Variants in PPP1R27 observed in about 807,000 individuals in gnomAD.
The protein encoded by PPP1R27 is protein phosphatase 1 regulatory subunit 27.
PPP1R27 carries 10 observed loss-of-function variants against 12.0 expected under a neutral mutation model. The observed-to-expected ratio is 0.84, with a 90% CI of 0.52 to 1.42. PPP1R27 has a LOEUF of 1.42. Among genes scored for constraint, PPP1R27 ranks in the 40% most tolerant of loss-of-function variants. The probability of loss-of-function intolerance (pLI) is 0.00; values close to 1 mark genes in which losing one functional copy is unlikely to be tolerated. For missense variants in PPP1R27, 246 were observed against 215.3 expected, an observed-to-expected ratio of 1.14 and a Z score of -0.89; for synonymous variants, 98 against 89.3, an observed-to-expected ratio of 1.10 and a Z score of -0.55.
rs750946557 is a variant in PPP1R27 at position 81,834,520 on chromosome 17, C to T, written c.324G>A (p.Gly108=). The T allele has an allele frequency of 1.5e-5, 24 of 1,613,952 alleles. No individual in the cohort carries two copies. In the East Asian group the frequency reaches 5.3e-4, roughly 36 times the overall value. The part of the protein sequence containing the change: ...WTPLHIACSD[G]YPDIARYLIS... ...CCCCTCACCTGGCTATGTCAGGGTA[C>T]CCATCGCTGCAGGCAATGTGCAGGG... Residue 108 remains glycine (G), a synonymous_variant, in exon 2 of 3, where the codon GGG becomes GGA. Transcript: ENST00000330261.
rs750024833 is a variant in PPP1R27, at chr17:81,834,779, T to C, written c.175A>G (p.Thr59Ala). The change falls in exon 1 of 3, where the codon ACC becomes GCC. Residue 59 changes from threonine to alanine, a missense_variant. Transcript: ENST00000330261. ...CTTTGCTCACCTGAGGGGTGGATGGTGGCCAGGGAGACTTTCCGAGTCCGG... is the reference window on the plus strand; with the variant it reads ...CTTTGCTCACCTGAGGGGTGGATGGCGGCCAGGGAGACTTTCCGAGTCCGG... ...FIRTRKVSLA[T>A]IHPSGLAALH... The C allele has an allele frequency of 1.2e-6, 2 of 1,612,452 alleles. No individual in the cohort carries two copies. Among genetic ancestry groups the C allele is most frequent in the South Asian group, 2.2e-5 (2 of 90,926 alleles).
chr17:81,833,852 C>T lies in PPP1R27; in HGVS notation c.342G>A (p.Arg114=), dbSNP rs370164132. 5 of 1,595,466 alleles carry T rather than the reference C, an allele frequency of 3.1e-6. No individual in the cohort carries two copies. The highest frequency in any genetic ancestry group is 2.7e-5 in the African/African-American group (2 of 74,592). The part of the protein sequence containing the change: ...ACSDGYPDIA[R]YLISLGADRD... ...TGTCCGCTCCCAGGGAGATAAGGTA[C>T]CTGGGGTGTAAAGGTCGCTCTGGCT... Residue 114 remains arginine, a splice_region_variant and synonymous_variant, in exon 3 of 3, where the codon AGG becomes AGA. Coordinates refer to ENST00000330261, the MANE Select transcript of PPP1R27 (RefSeq NM_001007533.4).
At chr17:81,834,275 AT>A in intron 2 of PPP1R27, 3 of 542,626 alleles carry the variant, frequency 5.5e-6, no homozygotes, top group South Asian at 2.5e-5. Context: ...CTAATTTTGT[AT>A]TTTTAGTAGT....
rs751682621 is a variant in PPP1R27, at chr17:81,835,050, G to A, written c.-97C>T. 5 of 1,292,914 alleles carry A rather than the reference G, an allele frequency of 3.9e-6. No individual in the cohort carries two copies. Among genetic ancestry groups the A allele is most frequent in the African/African-American group, 1.5e-5 (1 of 66,906 alleles). 80.1% of individuals were successfully genotyped at this position (1,292,914 alleles called of 1,614,324 possible). ...CCAGATCAGCTTGAGGGCTCCTGTC[G>A]GACGAGCCCCGGCCTCTGACTTGCT... On this transcript the variant is annotated 5_prime_UTR_variant, in exon 1 of 3. Coordinates refer to ENST00000330261, the MANE Select transcript of PPP1R27 (RefSeq NM_001007533.4).
At position 81,833,705 on chromosome 17, in the gene PPP1R27, CG is replaced by C. The variant is rs751679497; in HGVS notation, c.*23del. ...TTCTCCAGGGAGGCGGCCCTGGGCG[CG>C]GGGGCGGGCGGGCAAAGCTGGCTCA... On this transcript the variant is annotated 3_prime_UTR_variant, in exon 3 of 3. Coordinates refer to ENST00000330261, the MANE Select transcript of PPP1R27 (RefSeq NM_001007533.4). The C allele has an allele frequency of 4.9e-5, 75 of 1,543,478 alleles. No individual in the cohort carries two copies. The highest frequency in any genetic ancestry group is 6.1e-5 in the Non-Finnish European group (70 of 1,145,732).
rs1217928127 is a variant in PPP1R27 at position 81,834,625 on chromosome 17, G to C, written c.219C>G (p.Leu73=). ...SGLAALHEAV[L]SGNLECVKLL... is the part of the protein sequence containing the mutation. The stretch of plus-strand genomic sequence containing the variant: ...GCTTCACGCATTCCAGGTTTCCAGA[G>C]AGCACGGCTTCATGCAAGGCGGCCA... Residue 73 remains leucine, a synonymous_variant, in exon 2 of 3, where the codon CTC becomes CTG. Coordinates refer to ENST00000330261, the MANE Select transcript of PPP1R27 (RefSeq NM_001007533.4). The C allele has an allele frequency of 6.2e-7, 1 of 1,614,174 alleles. No homozygotes were observed. The highest frequency in any genetic ancestry group is 1.7e-5 in the Admixed American group (1 of 60,030).
At position 81,833,657 on chromosome 17, in the gene PPP1R27, C is replaced by T. The variant is rs947190509; in HGVS notation, c.*72G>A. 1.6e-5 allele frequency: 24 copies of T among 1,501,594 alleles called. No homozygotes were observed. In the Middle Eastern group the frequency reaches 1.4e-3, roughly 88 times the overall value. 93.0% of individuals were successfully genotyped at this position (1,501,594 alleles called of 1,614,324 possible). On this transcript the variant is annotated 3_prime_UTR_variant, in exon 3 of 3. Transcript: ENST00000330261. ...CCCTGGCCCACGGGTGGGGCACGTG[C>T]TGGCCCATGGGCGACGCGCGGCTTC...
chr17:81,834,313 A>C, intron 2 of PPP1R27, 190 bp downstream of exon 2: 1 of 611,538 alleles, frequency 1.6e-6, no homozygotes, highest in African/African-American at 1.8e-5. Context: ...CGAACTCCTG[A>C]CCTCAGGTGA....
chr17:81,834,882 G>C lies in PPP1R27; in HGVS notation c.72C>G (p.Arg24=). 6.2e-7 allele frequency: 1 copy of C among 1,613,092 alleles called. No homozygotes were observed. The highest frequency in any genetic ancestry group is 8.5e-7 in the Non-Finnish European group (1 of 1,179,960). ...RQRRRRMLAD[R]SVRFPNDVLF... ...GGACATCATTAGGGAAACGCACGCT[G>C]CGATCAGCCAGCATCCGCCGCCGCC... Residue 24 remains arginine (R), a synonymous_variant, in exon 1 of 3, where the codon CGC becomes CGG. Coordinates refer to ENST00000330261, the MANE Select transcript of PPP1R27 (RefSeq NM_001007533.4).
In PPP1R27 at chr17:81,833,823, T is replaced by A; in HGVS notation, c.371A>T (p.Asp124Val). The A allele has an allele frequency of 6.3e-7, 1 of 1,584,280 alleles. No homozygotes were observed. The highest frequency in any genetic ancestry group is 8.6e-7 in the Non-Finnish European group (1 of 1,165,186). The part of the protein sequence containing the change: ...RYLISLGADR[D>V]ATNDDGDLPS... ...CAGGTCGCCATCGTCGTTGGTTGCA[T>A]CCCTGTCCGCTCCCAGGGAGATAAG... Residue 124 changes from aspartate (D) to valine (V), a missense_variant, in exon 3 of 3, where the codon GAT becomes GTT. Asp to Val is a radical substitution (Grantham distance 152, BLOSUM62 -3). Coordinates refer to ENST00000330261, the MANE Select transcript of PPP1R27 (RefSeq NM_001007533.4).
chr17:81,834,005 C>T (rs2143281922), intron 2 of PPP1R27, 153 bp from the exon 3 acceptor site: 1 of 826,996 alleles, frequency 1.2e-6, no homozygotes, highest in Non-Finnish European at 1.8e-6. Flanking sequence ...AGAAACCTGA[C>T]CCTTTGGAAG....
chr17:81,834,659 C>A lies in PPP1R27; in HGVS notation c.191-6G>T. 4.3e-6 allele frequency: 7 copies of A among 1,614,016 alleles called. No individual in the cohort carries two copies. Among genetic ancestry groups the A allele is most frequent in the Non-Finnish European group, 5.9e-6 (7 of 1,179,992 alleles). On this transcript the variant is annotated splice_polypyrimidine_tract_variant and splice_region_variant and intron_variant, in intron 1 of 2. Coordinates refer to ENST00000330261, the MANE Select transcript of PPP1R27 (RefSeq NM_001007533.4). Reference sequence around the variant, plus strand: ...TTCATGCAAGGCGGCCAGGCCTGGGCAGGGAGGACGGGAGGGGTCAAGACT... The same window carrying A: ...TTCATGCAAGGCGGCCAGGCCTGGGAAGGGAGGACGGGAGGGGTCAAGACT...
Position 81,834,616 on chromosome 17 carries a change from G to A in PPP1R27, c.228C>T (p.Asn76=), listed in dbSNP as rs745679554. 2.5e-6 allele frequency: 4 copies of A among 1,614,090 alleles called. No homozygotes were observed. Among genetic ancestry groups the A allele is most frequent in the Non-Finnish European group, 3.4e-6 (4 of 1,180,044 alleles). Residue 76 remains asparagine, a synonymous_variant, in exon 2 of 3, where the codon AAC becomes AAT. Transcript: ENST00000330261. The part of the protein sequence containing the change: ...AALHEAVLSG[N]LECVKLLVKY... ...TGACCAGCAGCTTCACGCATTCCAG[G>A]TTTCCAGAGAGCACGGCTTCATGCA...
rs2038597364 is a variant in PPP1R27 at position 81,834,997 on chromosome 17, C to G, written c.-44G>C. On this transcript the variant is annotated 5_prime_UTR_variant, in exon 1 of 3. Transcript: ENST00000330261. Reference sequence around the variant, plus strand: ...GGTTGCCCCTGGGGACCCTACTGCACTGGGGTTAATAATGTATCCGGTCCC... The same window carrying G: ...GGTTGCCCCTGGGGACCCTACTGCAGTGGGGTTAATAATGTATCCGGTCCC... 2 of 1,518,780 alleles carry G rather than the reference C, an allele frequency of 1.3e-6. No individual in the cohort carries two copies. The highest frequency in any genetic ancestry group is 2.3e-5 in the East Asian group (1 of 42,836). 94.1% of individuals were successfully genotyped at this position (1,518,780 alleles called of 1,614,324 possible).
intron 2 of PPP1R27, 186 bp downstream of exon 2, chr17:81,834,317 C>T (rs1458548973): frequency 4.8e-6 from 3 of 626,108 alleles, no homozygotes; most frequent in African/African-American, 1.8e-5. Flanking sequence ...CTCCTGACCT[C>T]AGGTGATCCG....
Position 81,834,986 on chromosome 17 carries a change from A to G in PPP1R27, c.-33T>C. The G allele has an allele frequency of 1.3e-6, 2 of 1,543,188 alleles. No individual in the cohort carries two copies. The highest frequency in any genetic ancestry group is 1.2e-5 in the South Asian group (1 of 82,242). ...GCTGTGGGGCAGGTTGCCCCTGGGGACCCTACTGCACTGGGGTTAATAATG... is the reference window on the plus strand; with the variant it reads ...GCTGTGGGGCAGGTTGCCCCTGGGGGCCCTACTGCACTGGGGTTAATAATG... On this transcript the variant is annotated 5_prime_UTR_variant, in exon 1 of 3. Coordinates refer to ENST00000330261, the MANE Select transcript of PPP1R27 (RefSeq NM_001007533.4).
At position 81,834,726 on chromosome 17, in the gene PPP1R27, C is replaced by T. The variant is rs748253108; in HGVS notation, c.190+38G>A. 11 of 1,609,154 alleles carry T rather than the reference C, an allele frequency of 6.8e-6. No individual in the cohort carries two copies. The East Asian group carries it at 2.0e-4, about 29-fold the overall frequency. On this transcript the variant is annotated intron_variant, in intron 1 of 2. Transcript: ENST00000330261. ...CCTCCTTGCTGGCCTCTCCCACCACCCCACAGGCCCTGGCCAGCTCTTCCA... is the reference window on the plus strand; with the variant it reads ...CCTCCTTGCTGGCCTCTCCCACCACTCCACAGGCCCTGGCCAGCTCTTCCA...
rs1194993238 is a variant in PPP1R27, at chr17:81,833,656, G to T, written c.*73C>A. 6.7e-7 allele frequency: 1 copy of T among 1,497,886 alleles called. No homozygotes were observed. Among genetic ancestry groups the T allele is most frequent in the Non-Finnish European group, 8.9e-7 (1 of 1,120,794 alleles). The allele number at this position is 1,497,886 out of a possible 1,614,324, so 92.8% of individuals were successfully genotyped here. ...CCCCTGGCCCACGGGTGGGGCACGT[G>T]CTGGCCCATGGGCGACGCGCGGCTT... On this transcript the variant is annotated 3_prime_UTR_variant, in exon 3 of 3. Coordinates refer to ENST00000330261, the MANE Select transcript of PPP1R27 (RefSeq NM_001007533.4).
chr17:81,834,412 C>G, intron 2 of PPP1R27, 91 bp downstream of exon 2: 1 of 1,469,394 alleles, frequency 6.8e-7, no homozygotes, highest in Non-Finnish European at 9.3e-7. Context: ...GCCGACACCA[C>G]CCGGGCTACA....
Sources: allele counts gnomAD v4.1 joint callset, GRCh38; gene constraint gnomAD v4.1.1; transcripts MANE v1.5; gene names NCBI Gene and HGNC (gene_info 2026-07-23, HGNC 2026-07-21).